CUX2: variants seen among roughly 807,000 people sequenced by gnomAD.
The protein encoded by CUX2 is cut like homeobox 2, also known as homeobox protein cut-like 2.
CUX2 carries 40 observed loss-of-function variants against 144.8 expected under a neutral mutation model. The ratio of observed to expected loss-of-function variants is 0.28; its 90% CI spans 0.21 to 0.36. The LOEUF is 0.36. Ranked by LOEUF, CUX2 falls within the 10% of genes least tolerant of loss-of-function variation. The pLI, the probability that CUX2 is intolerant of heterozygous loss-of-function variation, is 1.00. For synonymous variants in CUX2, 827 were observed against 875.6 expected (o/e 0.94, Z 0.98); for missense variants, 1,615 against 1,994.0 (o/e 0.81, Z 3.62).
chr12:111,275,779 C>T (rs1884844806), intron 4 of CUX2, among the ~76,000 whole-genome samples: 1 of 152,206 alleles, frequency 6.6e-6, no homozygotes, highest in Non-Finnish European at 1.5e-5. Context: ...CTGCTCCCCT[C>T]TGAGTAAAGC....
At chr12:111,330,714 T>TACACATATAC (rs1565926154) in intron 18 of CUX2, among the ~76,000 whole-genome samples, 1 of 36,482 alleles carries the variant, frequency 2.7e-5, no homozygotes, top group African/African-American at 1.6e-4. Context: ...TATATATATA[T>TACACATATAC]ATATATATAT....
At position 111,320,347 on chromosome 12, in the gene CUX2, G is replaced by C; in HGVS notation, c.2338G>C (p.Gly780Arg). The change falls in exon 17 of 22, where the codon GGC becomes CGC. Residue 780 changes from glycine (G) to arginine (R), a missense_variant. Physicochemically the swap from Gly to Arg is moderately radical, Grantham distance 125. Coordinates refer to ENST00000261726, the MANE Select transcript of CUX2 (RefSeq NM_015267.4). This position sits in a 1 kb window ranked among gnomAD's most constrained non-coding sequence, Gnocchi z 8.1. ...SIIRKVKSEI[G>R]DAGYFDHHWA... is the part of the protein sequence containing the mutation. ...CATCCGCAAGGTCAAGTCCGAGATC[G>C]GCGACGCCGGCTACTTCGACCACCA... 1 of 1,598,130 alleles carries C rather than the reference G, an allele frequency of 6.3e-7. No individual in the cohort carries two copies. Among genetic ancestry groups the C allele is most frequent in the Non-Finnish European group, 8.5e-7 (1 of 1,179,162 alleles).
chr12:111,086,137 C>A (rs1872200500), intron 1 of CUX2, among the ~76,000 whole-genome samples: 1 of 152,216 alleles, frequency 6.6e-6, no homozygotes, highest in Non-Finnish European at 1.5e-5. Flanking sequence ...TTACCCCCAC[C>A]AGCTACCAAC....
chr12:111,129,726 T>C (rs1355372692), intron 1 of CUX2, among the ~76,000 whole-genome samples: 1 of 152,226 alleles, frequency 6.6e-6, no homozygotes, highest in Non-Finnish European at 1.5e-5. Context: ...TACTTTTGGT[T>C]TACTAATTTC....
intron 1 of CUX2, among the ~76,000 whole-genome samples, chr12:111,169,351 C>A (rs1878365986): frequency 6.6e-6 from 1 of 152,218 alleles, no homozygotes; most frequent in African/African-American, 2.4e-5. Flanking sequence ...AGACTTCCAG[C>A]CTCCAGAAGC....
intron 3 of CUX2, among the ~76,000 whole-genome samples, chr12:111,257,197 C>T (rs1389078677): frequency 1.3e-5 from 2 of 151,730 alleles, no homozygotes; most frequent in African/African-American, 4.8e-5. Context: ...CCTCCTCCCT[C>T]TTCCCTCCTC....
At chr12:111,311,925 A>G (rs925544689) in intron 15 of CUX2, among the ~76,000 whole-genome samples, 175 bp from the exon 16 acceptor site, 1 of 152,086 alleles carries the variant, frequency 6.6e-6, no homozygotes, top group Non-Finnish European at 1.5e-5. Flanking sequence ...ATTTCACACC[A>G]GAATCACTCA....
At chr12:111,145,794 G>A (rs112987592) in intron 1 of CUX2, among the ~76,000 whole-genome samples, 11 of 152,292 alleles carry the variant, frequency 7.2e-5, no homozygotes, top group African/African-American at 2.6e-4. Flanking sequence ...AGCCTCCCGA[G>A]TAGCTGGGAT....
intron 3 of CUX2, among the ~76,000 whole-genome samples, chr12:111,260,299 C>T (rs1884047822): frequency 6.6e-6 from 1 of 151,812 alleles, no homozygotes; most frequent in Non-Finnish European, 1.5e-5. Context: ...CCCGTCTCTA[C>T]TGAAAATACA....
chr12:111,239,428 G>T (rs888369881), intron 3 of CUX2, among the ~76,000 whole-genome samples: 11 of 152,274 alleles, frequency 7.2e-5, no homozygotes, highest in African/African-American at 2.2e-4. Flanking sequence ...CTATCAATCT[G>T]AGAAGTCGCA....
rs764837086 is a variant in CUX2, at chr12:111,293,558, G to A, written c.549G>A (p.Ala183=). 2.9e-5 allele frequency: 46 copies of A among 1,581,906 alleles called. No individual in the cohort carries two copies. Among genetic ancestry groups the A allele is most frequent in the Non-Finnish European group, 3.6e-5 (42 of 1,165,544 alleles). The change falls in exon 6 of 22, where the codon GCG becomes GCA. Residue 183 remains alanine (A), a synonymous_variant. Coordinates refer to ENST00000261726, the MANE Select transcript of CUX2 (RefSeq NM_015267.4). This position sits in a 1 kb window ranked among gnomAD's most constrained non-coding sequence, Gnocchi z 4.5. ...LTETLLQRNE[A]EKQKGLQEVQ... is the part of the protein sequence containing the mutation. ...AAACCTTGCTGCAGAGAAATGAGGC[G>A]GAAAAACAAAAGTGAGGAAGGGAAG...
At chr12:111,303,079 G>A (rs1338545951) in intron 9 of CUX2, among the ~76,000 whole-genome samples, 3 of 150,986 alleles carry the variant, frequency 2.0e-5, no homozygotes, top group African/African-American at 2.4e-5. Context: ...AAATTAACCC[G>A]TCATGGTAGT....
At chr12:111,082,279 G>T (rs1871937180) in intron 1 of CUX2, among the ~76,000 whole-genome samples, 1 of 152,122 alleles carries the variant, frequency 6.6e-6, no homozygotes, top group Non-Finnish European at 1.5e-5. Flanking sequence ...GAGAGAGAGA[G>T]AAGGGAGAAA....
At chr12:111,314,627 C>G (rs1887080653) in intron 16 of CUX2, among the ~76,000 whole-genome samples, 3 of 94,434 alleles carry the variant, frequency 3.2e-5, no homozygotes, top group African/African-American at 3.8e-5. Context: ...GCAACAAGAG[C>G]AAAACTCAGT....
chr12:111,102,418 C>T (rs1233113213), intron 1 of CUX2, among the ~76,000 whole-genome samples: 4 of 152,204 alleles, frequency 2.6e-5, no homozygotes, highest in African/African-American at 4.8e-5. Flanking sequence ...CGACTGACAT[C>T]TGAGCATTGG....
chr12:111,079,311 A>G (rs1211867811), intron 1 of CUX2, among the ~76,000 whole-genome samples: 1 of 152,214 alleles, frequency 6.6e-6, no homozygotes, highest in Non-Finnish European at 1.5e-5. Context: ...AGTTTATGCT[A>G]TAGGTGAGTA....
chr12:111,307,182 T>G lies in CUX2; in HGVS notation c.1051-17T>G. ...AAGCACACAGACCAGCCTCACCATC[T>G]TTCTTTGCTCTTCTAGAAGCTGGAA... On this transcript the variant is annotated splice_polypyrimidine_tract_variant and intron_variant, in intron 11 of 21. Coordinates refer to ENST00000261726, the MANE Select transcript of CUX2 (RefSeq NM_015267.4). The surrounding 1 kb of genome is among the most constrained non-coding windows in gnomAD (Gnocchi z 4.1). 1 of 1,614,162 alleles carries G rather than the reference T, an allele frequency of 6.2e-7. No homozygotes were observed. The highest frequency in any genetic ancestry group is 8.5e-7 in the Non-Finnish European group (1 of 1,180,024).
intron 20 of CUX2, among the ~76,000 whole-genome samples, chr12:111,340,393 C>T (rs975045033): frequency 6.6e-6 from 1 of 152,100 alleles, no homozygotes; most frequent in African/African-American, 2.4e-5. Context: ...TTCAGAAATT[C>T]AGGGATGCTT....
intron 1 of CUX2, among the ~76,000 whole-genome samples, chr12:111,168,517 G>A (rs1183526815): frequency 2.6e-5 from 4 of 152,172 alleles, no homozygotes; most frequent in East Asian, 1.9e-4. Flanking sequence ...TCGTCCCGTC[G>A]GTCAAGGGTG....
Sources: allele counts gnomAD v4.1 joint callset (sites outside exome capture counted in the v4.1 genomes callset), GRCh38; gene constraint gnomAD v4.1.1; non-coding constraint Gnocchi (gnomAD v3.1); transcripts MANE v1.5; gene names NCBI Gene and HGNC (gene_info 2026-07-23, HGNC 2026-07-21).